Variants in SUDS3 observed in about 807,000 individuals in gnomAD.
The protein encoded by SUDS3 is SIN3A corepressor complex component SDS3, also known as sin3 histone deacetylase corepressor complex component SDS3.
A neutral mutation model predicts 53.5 loss-of-function variants in SUDS3; 23 were observed. That is an observed-to-expected ratio of 0.43 (90% CI 0.31 to 0.61). The LOEUF (loss-of-function observed/expected upper bound fraction) is 0.61. Among genes scored for constraint, SUDS3 ranks in the 20% least tolerant of loss-of-function variants. The pLI, the probability that SUDS3 is intolerant of heterozygous loss-of-function variation, is 0.10. For synonymous variants in SUDS3, 150 were observed against 148.5 expected, an observed-to-expected ratio of 1.01 and a Z score of -0.08; for missense variants, 291 against 405.9, an observed-to-expected ratio of 0.72 and a Z score of 2.43.
chr12:118,410,580 T>TTTTATTTA lies in SUDS3; in HGVS notation c.804-469_804-462dup, dbSNP rs376070753. ...CTTTATTTATTTATTTATTTATTTA[T>TTTTATTTA]TTTATTTATTTATTTATTTATTTAT... On this transcript the variant is annotated intron_variant, in intron 10 of 11. Coordinates refer to ENST00000543473, the MANE Select transcript of SUDS3 (RefSeq NM_022491.3). Among the ~76,000 whole-genome samples, 323 of 133,608 alleles carry TTTTATTTA rather than the reference T, an allele frequency of 2.4e-3. 3 individuals carry two copies. Among genetic ancestry groups the TTTTATTTA allele is most frequent in the African/African-American group, 8.9e-3 (298 of 33,456 alleles). 87.7% of individuals were successfully genotyped at this position (133,608 alleles called of 152,430 possible).
chr12:118,376,744 C>G lies in SUDS3; in HGVS notation c.53C>G (p.Pro18Arg). The change falls in exon 1 of 12, where the codon CCG (proline) becomes CGG (arginine). Residue 18 changes from proline to arginine, a missense_variant. This residue lies in a region of SUDS3 where 149 missense variants were observed against 146.5 expected (regional missense o/e 1.02). Coordinates refer to ENST00000543473, the MANE Select transcript of SUDS3 (RefSeq NM_022491.3). ...GCCCCGGCCCAGGCTGGAGCGCCGC[C>G]GGCCCCCGAGTACTACCCCGAGGAG... is the stretch of plus-strand genomic sequence containing the variant. ...APAPAQAGAP[P>R]APEYYPEEDE... 1.3e-6 allele frequency: 2 copies of G among 1,538,326 alleles called. No individual in the cohort carries two copies. The highest frequency in any genetic ancestry group is 8.7e-7 in the Non-Finnish European group (1 of 1,147,590).
intron 6 of SUDS3, among the ~76,000 whole-genome samples, chr12:118,399,134 TGAA>T (rs987442190): frequency 2.6e-5 from 4 of 152,078 alleles, no homozygotes; most frequent in Admixed American, 6.5e-5. Flanking sequence ...TAAGCGTGAA[TGAA>T]GAAGAAGGGA....
chr12:118,387,669 A>G (rs767721540), intron 4 of SUDS3, among the ~76,000 whole-genome samples: 53 of 151,910 alleles, frequency 3.5e-4, no homozygotes, highest in Non-Finnish European at 7.1e-4. Flanking sequence ...CTCATGCCTC[A>G]GCCTCCTGAG....
intron 1 of SUDS3, among the ~76,000 whole-genome samples, chr12:118,379,308 AC>A (rs1217002027): frequency 5.9e-5 from 9 of 151,938 alleles, no homozygotes; most frequent in Admixed American, 5.9e-4. Context: ...GTGGTGGTGC[AC>A]CCCTGTAATC....
rs915689116 is a variant in SUDS3 at position 118,415,506 on chromosome 12, C to T, written c.*1073C>T. ...CTGTGGCTGCCTCTGGACTGACACC[C>T]TCCCTAATGAGTCCTGATGAAACAG... On this transcript the variant is annotated 3_prime_UTR_variant, in exon 12 of 12. Coordinates refer to ENST00000543473, the MANE Select transcript of SUDS3 (RefSeq NM_022491.3). 1 of 152,150 alleles carries T rather than the reference C, an allele frequency of 6.6e-6. No homozygotes were observed. The highest frequency in any genetic ancestry group is 1.5e-5 in the Non-Finnish European group (1 of 68,062). The allele number at this position is 152,150 out of a possible 1,614,324, so 9.4% of individuals were successfully genotyped here.
chr12:118,381,177 C>CTTAT (rs1358536775), intron 2 of SUDS3, among the ~76,000 whole-genome samples: 20 of 151,792 alleles, frequency 1.3e-4, no homozygotes, highest in Middle Eastern at 6.8e-3. Flanking sequence ...GCTGCTGACT[C>CTTAT]TTATTTATTT....
intron 6 of SUDS3, among the ~76,000 whole-genome samples, chr12:118,399,974 AC>A (rs1233126400): frequency 1.3e-5 from 2 of 151,924 alleles, no homozygotes; most frequent in Non-Finnish European, 1.5e-5. Context: ...AGACAAGCGA[AC>A]CCCGAGGAGG....
intron 9 of SUDS3, 44 bp downstream of exon 9, chr12:118,402,048 G>A: frequency 1.2e-6 from 2 of 1,611,460 alleles, no homozygotes; most frequent in South Asian, 1.1e-5. Flanking sequence ...TTTTTATCAT[G>A]TTGTTGGAAA....
intron 6 of SUDS3, among the ~76,000 whole-genome samples, chr12:118,396,577 G>A (rs2046217389): frequency 1.3e-5 from 2 of 152,166 alleles, no homozygotes; most frequent in Non-Finnish European, 2.9e-5. Flanking sequence ...TTTTAAGGAT[G>A]ACCCTTTGAA....
Position 118,380,231 on chromosome 12 carries a change from A to C in SUDS3, c.212A>C (p.Gln71Pro), listed in dbSNP as rs1268137527. 3.1e-6 allele frequency: 5 copies of C among 1,603,682 alleles called. No homozygotes were observed. The highest frequency in any genetic ancestry group is 4.3e-6 in the Non-Finnish European group (5 of 1,174,718). ...DEEDYVEMKE[Q>P]MYQDKLASLK... The stretch of plus-strand genomic sequence containing the variant: ...GAAGACTATGTAGAAATGAAGGAAC[A>C]GTGAGTATGATATGCCTATGTCTTT... Residue 71 changes from glutamine (Q) to proline (P), a missense_variant and splice_region_variant, in exon 2 of 12, where the codon CAG (glutamine) becomes CCG (proline). Physicochemically the swap from Gln to Pro is moderately conservative, Grantham distance 76. Coordinates refer to ENST00000543473, the MANE Select transcript of SUDS3 (RefSeq NM_022491.3).
At chr12:118,400,844 T>C in intron 7 of SUDS3, 90 bp downstream of exon 7, 4 of 1,187,846 alleles carry the variant, frequency 3.4e-6, no homozygotes, top group Non-Finnish European at 5.0e-6. Context: ...ACATGGCCGT[T>C]GTCCTACAGA....
In SUDS3 at chr12:118,391,131, A is replaced by G; in HGVS notation, c.366A>G (p.Glu122=). 6.2e-7 allele frequency: 1 copy of G among 1,613,074 alleles called. No individual in the cohort carries two copies. Among genetic ancestry groups the G allele is most frequent in the Non-Finnish European group, 8.5e-7 (1 of 1,179,682 alleles). The change falls in exon 6 of 12, where the codon GAA becomes GAG. Residue 122 remains glutamate, a synonymous_variant. Coordinates refer to ENST00000543473, the MANE Select transcript of SUDS3 (RefSeq NM_022491.3). ...CGTGTTTCTCTTTTGCTCAGACTGA[A>G]CAAGTGGAACGAAATTACATTAAAG... ...NAELFLQLET[E]QVERNYIKEK... is the part of the protein sequence containing the mutation.
chr12:118,401,490 A>C (rs959548311), intron 7 of SUDS3, among the ~76,000 whole-genome samples: 11 of 152,218 alleles, frequency 7.2e-5, no homozygotes, highest in African/African-American at 2.7e-4. Context: ...TTCTTATTTT[A>C]CTGTTTCCTT....
At chr12:118,383,958 G>A in intron 2 of SUDS3, 54 bp from the exon 3 acceptor site, 1 of 1,511,358 alleles carries the variant, frequency 6.6e-7, no homozygotes, top group Admixed American at 1.8e-5. Context: ...AGGTTATTTT[G>A]GAATTGAGTA....
intron 2 of SUDS3, among the ~76,000 whole-genome samples, chr12:118,382,513 G>A (rs937145963): frequency 4.0e-5 from 6 of 151,384 alleles, no homozygotes; most frequent in African/African-American, 1.5e-4. Context: ...CAACAGGCAC[G>A]TGCCACCACG....
intron 4 of SUDS3, among the ~76,000 whole-genome samples, chr12:118,389,649 G>T (rs1301503320): frequency 6.6e-6 from 1 of 152,042 alleles, no homozygotes; most frequent in African/African-American, 2.4e-5. Context: ...TCGAGTAGTT[G>T]GGATTACAGG....
intron 3 of SUDS3, 80 bp from the exon 4 acceptor site, chr12:118,386,034 C>A: frequency 9.2e-7 from 1 of 1,088,194 alleles, no homozygotes; most frequent in Non-Finnish European, 1.4e-6. Flanking sequence ...AGTGTTGATG[C>A]TAGATAATAA....
intron 2 of SUDS3, among the ~76,000 whole-genome samples, chr12:118,381,577 G>A (rs915589009): frequency 6.6e-6 from 1 of 152,012 alleles, no homozygotes; most frequent in Non-Finnish European, 1.5e-5. Context: ...ATAGAGACGG[G>A]GTTTCTCCAT....
intron 3 of SUDS3, 83 bp from the exon 4 acceptor site, chr12:118,386,031 A>T: frequency 9.5e-7 from 1 of 1,052,242 alleles, no homozygotes; most frequent in Non-Finnish European, 1.4e-6. Context: ...GTCAGTGTTG[A>T]TGCTAGATAA....
Sources: allele counts gnomAD v4.1 joint callset (sites outside exome capture counted in the v4.1 genomes callset), GRCh38; gene constraint gnomAD v4.1.1; regional missense constraint gnomAD v4.1.1; transcripts MANE v1.5; gene names NCBI Gene and HGNC (gene_info 2026-07-23, HGNC 2026-07-21).